TMEM108: variants seen among roughly 807,000 people sequenced by gnomAD.
The protein encoded by TMEM108 is transmembrane protein 108.
Under a neutral mutation model 35.1 loss-of-function variants are expected in TMEM108, and 12 were observed. That is an observed-to-expected ratio of 0.34 (90% CI 0.22 to 0.55). The LOEUF (loss-of-function observed/expected upper bound fraction) is 0.55. Among genes scored for constraint, TMEM108 ranks in the 20% least tolerant of loss-of-function variants. TMEM108 has a pLI of 0.89. For synonymous variants in TMEM108, 287 were observed against 308.6 expected (o/e 0.93, Z 0.73); for missense variants, 680 against 753.3 (o/e 0.90, Z 1.14).
chr3:133,211,724 A>G (rs1945836039), intron 2 of TMEM108, among the ~76,000 whole-genome samples: 1 of 152,158 alleles, frequency 6.6e-6, no homozygotes, highest in Admixed American at 6.6e-5. Flanking sequence ...TGTGGAGAGC[A>G]GAACACCCTC....
Position 133,380,606 on chromosome 3 carries a change from G to A in TMEM108, c.895G>A (p.Asp299Asn), listed in dbSNP as rs1559941801. 3.1e-6 allele frequency: 5 copies of A among 1,613,406 alleles called. No individual in the cohort carries two copies. Among genetic ancestry groups the A allele is most frequent in the Non-Finnish European group, 4.2e-6 (5 of 1,179,650 alleles). The stretch of plus-strand genomic sequence containing the variant: ...CTTCACCAGCCAAGGAGGGACACCA[G>A]ATGCCACAGCAGCCTCAGGTGCCCC... ...STFTSQGGTP[D>N]ATAASGAPVS... Residue 299 changes from aspartate (D) to asparagine (N), a missense_variant, in exon 4 of 6, where the codon GAT becomes AAT. Coordinates refer to ENST00000321871, the MANE Select transcript of TMEM108 (RefSeq NM_023943.4). The surrounding 1 kb of genome is among the most constrained non-coding windows in gnomAD (Gnocchi z 5.3).
At chr3:133,325,905 G>A (rs990368118) in intron 3 of TMEM108, among the ~76,000 whole-genome samples, 6 of 151,934 alleles carry the variant, frequency 3.9e-5, no homozygotes, top group South Asian at 4.2e-4. Flanking sequence ...TTAAAAGAGA[G>A]TCATTTTAGA....
intron 3 of TMEM108, among the ~76,000 whole-genome samples, chr3:133,310,385 C>T (rs932326069): frequency 6.6e-6 from 1 of 151,978 alleles, no homozygotes; most frequent in African/African-American, 2.4e-5. Flanking sequence ...TCTTGGTGCT[C>T]CTGTATTGGG....
intron 2 of TMEM108, among the ~76,000 whole-genome samples, chr3:133,074,102 T>C (rs1943711794): frequency 1.3e-5 from 2 of 152,134 alleles, no homozygotes; most frequent in African/African-American, 2.4e-5. Context: ...TGTACCTGTC[T>C]CCAAAGTTGA....
chr3:133,166,948 G>A (rs191143025), intron 2 of TMEM108, among the ~76,000 whole-genome samples: 97 of 152,278 alleles, frequency 6.4e-4, no homozygotes, highest in South Asian at 2.9e-3. Context: ...TGATTGGTCC[G>A]TTTGGACAGG....
chr3:133,262,321 A>G (rs534741189), intron 3 of TMEM108, among the ~76,000 whole-genome samples: 1 of 152,244 alleles, frequency 6.6e-6, no homozygotes, highest in Non-Finnish European at 1.5e-5. Flanking sequence ...TCTATTCTGT[A>G]TAGTGTCATA....
intron 2 of TMEM108, among the ~76,000 whole-genome samples, chr3:133,090,380 A>G (rs1943933309): frequency 6.6e-6 from 1 of 152,206 alleles, no homozygotes; most frequent in African/African-American, 2.4e-5. Context: ...TTTTCCTCCC[A>G]TTTAATTTAA....
At chr3:133,165,112 A>G (rs746029277) in intron 2 of TMEM108, among the ~76,000 whole-genome samples, 3 of 152,258 alleles carry the variant, frequency 2.0e-5, no homozygotes, top group Non-Finnish European at 2.9e-5. Context: ...TTGAACACCC[A>G]GAAAGACTAC....
At chr3:133,386,956 T>C (rs942290627) in intron 4 of TMEM108, 1 of 956,872 alleles carries the variant, frequency 1.0e-6, no homozygotes, top group Middle Eastern at 5.4e-4. Context: ...TCATGTGGGC[T>C]AAATAAGCTT....
intron 2 of TMEM108, among the ~76,000 whole-genome samples, chr3:133,047,891 T>C (rs1359897758): frequency 6.6e-6 from 1 of 152,200 alleles, no homozygotes; most frequent in Non-Finnish European, 1.5e-5. Context: ...AGAAGCGATA[T>C]TCGTCTTCCC....
intron 2 of TMEM108, among the ~76,000 whole-genome samples, chr3:133,091,523 A>G (rs1943946605): frequency 6.6e-6 from 1 of 152,352 alleles, no homozygotes; most frequent in African/African-American, 2.4e-5. Context: ...TAAGCTGCTA[A>G]GGAAACCATG....
chr3:133,287,699 G>T (rs1031809886), intron 3 of TMEM108, among the ~76,000 whole-genome samples: 1 of 152,134 alleles, frequency 6.6e-6, no homozygotes, highest in Non-Finnish European at 1.5e-5. Flanking sequence ...ATAGATGTTT[G>T]CTATAGATGG....
At chr3:133,108,174 T>C (rs1013883023) in intron 2 of TMEM108, among the ~76,000 whole-genome samples, 2 of 152,066 alleles carry the variant, frequency 1.3e-5, no homozygotes, top group African/African-American at 4.8e-5. Context: ...GAGGTTGCAA[T>C]AAGCCAAGAT....
intron 3 of TMEM108, among the ~76,000 whole-genome samples, chr3:133,365,575 G>T (rs192002243): frequency 6.6e-6 from 1 of 152,254 alleles, no homozygotes; most frequent in East Asian, 1.9e-4. Context: ...GGACATAGGG[G>T]CAGCTACCCT....
At chr3:133,264,228 C>T (rs1037008861) in intron 3 of TMEM108, among the ~76,000 whole-genome samples, 2 of 152,108 alleles carry the variant, frequency 1.3e-5, no homozygotes, top group Admixed American at 6.5e-5. Flanking sequence ...TGCTCAAACT[C>T]CATGAGTTTG....
intron 3 of TMEM108, among the ~76,000 whole-genome samples, chr3:133,249,572 G>A (rs1946437413): frequency 6.6e-6 from 1 of 152,118 alleles, no homozygotes; most frequent in South Asian, 2.1e-4. Context: ...TAGGTTTTCT[G>A]TTTCTGCATT....
intron 2 of TMEM108, among the ~76,000 whole-genome samples, chr3:133,220,715 C>T (rs11712573): frequency 0.32 from 48,064 of 152,036 alleles, 8,442 homozygotes; most frequent in East Asian, 0.47. Context: ...ATTTTTAATT[C>T]TGACAGTAGC....
intron 3 of TMEM108, 23 bp from the exon 4 acceptor site, chr3:133,379,729 C>T (rs780377831): frequency 4.4e-5 from 70 of 1,605,284 alleles, no homozygotes; most frequent in Non-Finnish European, 5.6e-5. Flanking sequence ...TATTTTACCT[C>T]TTCTCTCTGT....
chr3:133,233,096 T>A (rs1457992975), intron 3 of TMEM108, among the ~76,000 whole-genome samples: 1 of 151,978 alleles, frequency 6.6e-6, no homozygotes, highest in African/African-American at 2.4e-5. Context: ...ATGTGCAGGT[T>A]AGTTACATAT....
Sources: allele counts gnomAD v4.1 joint callset (sites outside exome capture counted in the v4.1 genomes callset), GRCh38; gene constraint gnomAD v4.1.1; non-coding constraint Gnocchi (gnomAD v3.1); transcripts MANE v1.5; gene names NCBI Gene and HGNC (gene_info 2026-07-23, HGNC 2026-07-21).